The following LRRTM4 variants were observed in gnomAD, a reference collection of about 807,000 sequenced individuals.
LRRTM4 encodes leucine rich repeat transmembrane neuronal 4.
LRRTM4 carries 25 observed loss-of-function variants against 47.6 expected under a neutral mutation model. That is an observed-to-expected ratio of 0.53 (90% CI 0.38 to 0.73). The LOEUF is 0.73. Among genes scored for constraint, LRRTM4 ranks in the 30% least tolerant of loss-of-function variants. The probability of loss-of-function intolerance (pLI) is 0.00; values close to 1 mark genes in which losing one functional copy is unlikely to be tolerated. For missense variants in LRRTM4, 638 were observed against 713.4 expected (o/e 0.89, Z 1.20); for synonymous variants, 311 against 269.5 (o/e 1.15, Z -1.51).
At chr2:76,942,773 TTAA>T (rs1675194903) in intron 3 of LRRTM4, among the ~76,000 whole-genome samples, 1 of 151,890 alleles carries the variant, frequency 6.6e-6, no homozygotes, top group African/African-American at 2.4e-5. Context: ...CTTAACATTC[TTAA>T]TAAGAGTGTG....
intron 3 of LRRTM4, among the ~76,000 whole-genome samples, chr2:76,810,556 A>G (rs1670702641): frequency 6.6e-6 from 1 of 152,176 alleles, no homozygotes; most frequent in African/African-American, 2.4e-5. Flanking sequence ...CTGCATAGTG[A>G]GGTATTAATA....
intron 3 of LRRTM4, among the ~76,000 whole-genome samples, chr2:77,365,256 A>G (rs957158259): frequency 6.6e-6 from 1 of 152,086 alleles, no homozygotes; most frequent in Non-Finnish European, 1.5e-5. Flanking sequence ...GTCAATGAAC[A>G]AAGTTTCATC....
chr2:76,931,778 A>T (rs1674776944), intron 3 of LRRTM4, among the ~76,000 whole-genome samples: 1 of 152,150 alleles, frequency 6.6e-6, no homozygotes, highest in South Asian at 2.1e-4. Flanking sequence ...CATAAAGCTG[A>T]TATTTTGCTA....
chr2:77,188,607 A>G (rs1487405355), intron 3 of LRRTM4, among the ~76,000 whole-genome samples: 1 of 152,162 alleles, frequency 6.6e-6, no homozygotes, highest in African/African-American at 2.4e-5. Flanking sequence ...ACACCCAAAT[A>G]TGATCCATCC....
intron 3 of LRRTM4, among the ~76,000 whole-genome samples, chr2:77,438,442 T>C (rs1276798729): frequency 7.1e-6 from 1 of 141,790 alleles, no homozygotes; most frequent in Non-Finnish European, 1.5e-5. Flanking sequence ...AGTCTCGCTC[T>C]GTCGCCCAGG....
chr2:77,077,825 A>C (rs1379974053), intron 3 of LRRTM4, among the ~76,000 whole-genome samples: 1 of 152,194 alleles, frequency 6.6e-6, no homozygotes, highest in Non-Finnish European at 1.5e-5. Flanking sequence ...ACCCATATTG[A>C]AGGAGTTTGC....
chr2:76,869,030 G>A (rs1395156264), intron 3 of LRRTM4, among the ~76,000 whole-genome samples: 1 of 152,030 alleles, frequency 6.6e-6, no homozygotes, highest in Non-Finnish European at 1.5e-5. Flanking sequence ...ATGTAAGGTG[G>A]CCAGGCGCGG....
At chr2:77,084,428 G>T (rs2103864984) in intron 3 of LRRTM4, among the ~76,000 whole-genome samples, 1 of 152,258 alleles carries the variant, frequency 6.6e-6, no homozygotes, top group African/African-American at 2.4e-5. Context: ...TCAGAAACAA[G>T]TACCCCTCTT....
intron 3 of LRRTM4, among the ~76,000 whole-genome samples, chr2:76,804,467 G>A (rs1424030525): frequency 6.6e-6 from 1 of 151,822 alleles, no homozygotes; most frequent in Non-Finnish European, 1.5e-5. Context: ...GGATAAATAA[G>A]TTATGACACA....
chr2:76,978,913 C>G (rs995476607), intron 3 of LRRTM4, among the ~76,000 whole-genome samples: 5 of 151,946 alleles, frequency 3.3e-5, no homozygotes, highest in African/African-American at 1.2e-4. Flanking sequence ...AGGGAAAGTG[C>G]AGAAGCTATT....
rs115977092 is a variant in LRRTM4 at position 76,904,172 on chromosome 2, T to C, written c.1552-155256A>G. Reference sequence around the variant, plus strand: ...TGAGACTCAGACATAATTCTTTAAATTCAGTGCTTGTTCTGCTCTATTACA... The same window carrying C: ...TGAGACTCAGACATAATTCTTTAAACTCAGTGCTTGTTCTGCTCTATTACA... On this transcript the variant is annotated intron_variant, in intron 3 of 3. Coordinates refer to ENST00000409884, the MANE Select transcript of LRRTM4 (RefSeq NM_001134745.3). 2.2e-3 allele frequency among the ~76,000 whole-genome samples: 328 copies of C among 152,312 alleles called. 7 individuals are homozygous for C. The highest frequency in any genetic ancestry group is 7.7e-3 in the African/African-American group (319 of 41,568).
intron 3 of LRRTM4, among the ~76,000 whole-genome samples, chr2:76,825,260 A>G (rs1371231369): frequency 6.6e-6 from 1 of 151,686 alleles, no homozygotes; most frequent in Non-Finnish European, 1.5e-5. Context: ...GGCTGCCAAG[A>G]GTACAAGTTA....
At chr2:77,056,550 T>C (rs138406242) in intron 3 of LRRTM4, among the ~76,000 whole-genome samples, 147 of 152,058 alleles carry the variant, frequency 9.7e-4, no homozygotes, top group Middle Eastern at 3.4e-3. Context: ...GAGATGAAAG[T>C]AATTGAAAAA....
intron 3 of LRRTM4, among the ~76,000 whole-genome samples, chr2:76,947,277 C>G (rs1207268242): frequency 6.6e-6 from 1 of 151,814 alleles, no homozygotes; most frequent in Non-Finnish European, 1.5e-5. Flanking sequence ...TCATTTAAGT[C>G]TCACTGTACC....
At chr2:77,044,995 G>T (rs1347929992) in intron 3 of LRRTM4, among the ~76,000 whole-genome samples, 1 of 151,758 alleles carries the variant, frequency 6.6e-6, no homozygotes, top group Non-Finnish European at 1.5e-5. Flanking sequence ...CTGTAGTTAT[G>T]ATCATGATTG....
At chr2:77,487,999 A>G (rs2861056) in intron 3 of LRRTM4, among the ~76,000 whole-genome samples, 141,128 of 152,168 alleles carry the variant, frequency 0.93, 65,493 homozygotes, top group Middle Eastern at 0.94. Flanking sequence ...CAAGAACTTG[A>G]GACCTGATGA....
rs545293334 is a variant in LRRTM4, at chr2:77,516,973, C to G, written c.1551+1345G>C. 7.1e-6 allele frequency: 7 copies of G among 984,840 alleles called. No homozygotes were observed. In the South Asian group the frequency reaches 2.8e-4, roughly 40 times the overall value. The allele number at this position is 984,840 out of a possible 1,614,324, so 61.0% of individuals were successfully genotyped here. On this transcript the variant is annotated intron_variant, in intron 3 of 3. Transcript: ENST00000409884. Reference sequence around the variant, plus strand: ...TAACTAGCATTAGAAAGGGCAACATCTTTAATTACTCATTAAAACTGTCTT... The same window carrying G: ...TAACTAGCATTAGAAAGGGCAACATGTTTAATTACTCATTAAAACTGTCTT...
intron 3 of LRRTM4, among the ~76,000 whole-genome samples, chr2:77,448,977 G>C (rs1056551831): frequency 2.6e-5 from 4 of 152,118 alleles, no homozygotes; most frequent in Non-Finnish European, 4.4e-5. Context: ...TTGATCATAG[G>C]TATATCAGAA....
intron 3 of LRRTM4, among the ~76,000 whole-genome samples, chr2:77,047,804 C>A (rs538172402): frequency 6.6e-6 from 1 of 152,142 alleles, no homozygotes; most frequent in African/African-American, 2.4e-5. Context: ...TCATAACATA[C>A]AATAAACCAA....
Sources: allele counts gnomAD v4.1 joint callset (sites outside exome capture counted in the v4.1 genomes callset), GRCh38; gene constraint gnomAD v4.1.1; transcripts MANE v1.5; gene names NCBI Gene and HGNC (gene_info 2026-07-23, HGNC 2026-07-21).